The following NCKAP5 variants were observed in gnomAD, a reference collection of about 807,000 sequenced individuals.
NCKAP5 encodes the protein NCK associated protein 5, also known as nck-associated protein 5.
Under a neutral mutation model 167.0 loss-of-function variants are expected in NCKAP5, and 92 were observed. The observed-to-expected ratio is 0.55, with a 90% CI of 0.47 to 0.66. The LOEUF (loss-of-function observed/expected upper bound fraction) is 0.66, where lower values mean the gene tolerates loss of function less well. Among genes scored for constraint, NCKAP5 ranks in the 30% least tolerant of loss-of-function variants. The probability of loss-of-function intolerance (pLI) is 0.00; values close to 1 mark genes in which losing one functional copy is unlikely to be tolerated. For missense variants in NCKAP5, 2,378 were observed against 2,315.0 expected (o/e 1.03, Z -0.56); for synonymous variants, 891 against 877.4 (o/e 1.02, Z -0.27).
At chr2:133,629,375 A>C in the NCKAP5 span, among the ~76,000 whole-genome samples, 1 of 152,342 alleles carries the variant, frequency 6.6e-6, no homozygotes, top group East Asian at 1.9e-4. Context: ...AAAAACATGA[A>C]AAAAAGCTCA....
At chr2:133,563,297 G>A (rs1406106673) in intron 1 of NCKAP5, among the ~76,000 whole-genome samples, 4 of 152,148 alleles carry the variant, frequency 2.6e-5, no homozygotes, top group Admixed American at 6.5e-5. Flanking sequence ...CTGGCCGGGC[G>A]CAGTGGCTCA....
intron 3 of NCKAP5, among the ~76,000 whole-genome samples, chr2:133,461,085 G>A (rs1574993601): frequency 6.6e-6 from 1 of 152,064 alleles, no homozygotes; most frequent in Admixed American, 6.6e-5. Context: ...AAAGCGCTAC[G>A]TTTTACTGCA....
At chr2:132,844,943 A>G (rs1245998692) in intron 11 of NCKAP5, among the ~76,000 whole-genome samples, 3 of 152,174 alleles carry the variant, frequency 2.0e-5, no homozygotes, top group African/African-American at 4.8e-5. Flanking sequence ...ACCTTTGAGT[A>G]GAGGGTACTT....
At chr2:132,820,229 G>T (rs1686604796) in intron 11 of NCKAP5, among the ~76,000 whole-genome samples, 1 of 145,402 alleles carries the variant, frequency 6.9e-6, no homozygotes, top group South Asian at 2.3e-4. Flanking sequence ...GTTTTGTTTT[G>T]TTTTTGTTTT....
At chr2:132,685,329 C>T (rs1175141421) in intron 19 of NCKAP5, among the ~76,000 whole-genome samples, 2 of 152,172 alleles carry the variant, frequency 1.3e-5, no homozygotes, top group African/African-American at 4.8e-5. Context: ...ATATGTTCAT[C>T]CCAGGATGGG....
At chr2:132,931,449 C>T (rs994844593) in intron 8 of NCKAP5, 1 of 152,112 alleles carries the variant, frequency 6.6e-6, no homozygotes, top group African/African-American at 2.4e-5. Flanking sequence ...GGGGGCTGCC[C>T]GATTCGTGAA....
chr2:133,251,192 T>A (rs533304857), intron 4 of NCKAP5, among the ~76,000 whole-genome samples: 4 of 152,168 alleles, frequency 2.6e-5, no homozygotes, highest in Non-Finnish European at 5.9e-5. Flanking sequence ...CAGAGATAAC[T>A]TAAAGTGTAC....
At chr2:133,451,903 T>C (rs1394125751) in intron 3 of NCKAP5, among the ~76,000 whole-genome samples, 1 of 152,158 alleles carries the variant, frequency 6.6e-6, no homozygotes, top group Non-Finnish European at 1.5e-5. Flanking sequence ...AAAATAATTG[T>C]GTGTTGTCTT....
chr2:133,467,475 T>C lies in NCKAP5; in HGVS notation c.69+49983A>G, dbSNP rs918458732. Among the ~76,000 whole-genome samples, 137 of 152,048 alleles carry C rather than the reference T, an allele frequency of 9.0e-4. 1 individual carries two copies. The highest frequency in any genetic ancestry group is 3.0e-3 in the African/African-American group (124 of 41,466). On this transcript the variant is annotated intron_variant, in intron 3 of 19. Transcript: ENST00000409261. ...GGGATATTGGTCTAAAATTCTCTTT[T>C]TTTGTTGTGTCTCTGCCTGGCTTTG...
chr2:133,607,258 G>T, the NCKAP5 span, among the ~76,000 whole-genome samples: 2 of 150,992 alleles, frequency 1.3e-5, no homozygotes, highest in Admixed American at 1.3e-4. Context: ...GTAATTAAAA[G>T]ATTTACACCA....
chr2:133,536,048 G>C (rs1685740776), intron 2 of NCKAP5, among the ~76,000 whole-genome samples: 1 of 152,116 alleles, frequency 6.6e-6, no homozygotes, highest in Non-Finnish European at 1.5e-5. Context: ...TCCTTTGTCA[G>C]ATGCATAGCT....
chr2:133,143,102 T>G (rs990650303), intron 5 of NCKAP5, among the ~76,000 whole-genome samples: 1 of 152,098 alleles, frequency 6.6e-6, no homozygotes, highest in Non-Finnish European at 1.5e-5. Flanking sequence ...GTGTTTTTTT[T>G]TTAACCAGGC....
chr2:132,721,027 A>AAAG (rs397767487), intron 19 of NCKAP5, among the ~76,000 whole-genome samples: 8 of 149,510 alleles, frequency 5.4e-5, no homozygotes, highest in Admixed American at 1.3e-4. Flanking sequence ...AAAAAAAAAA[A>AAAG]TGCTGTGCAC....
chr2:133,283,863 G>A (rs1211989430), intron 4 of NCKAP5, among the ~76,000 whole-genome samples: 3 of 151,938 alleles, frequency 2.0e-5, no homozygotes, highest in Non-Finnish European at 4.4e-5. Flanking sequence ...CGCCCGCCTC[G>A]GCCTCCCAAA....
intron 5 of NCKAP5, among the ~76,000 whole-genome samples, chr2:133,171,434 A>C (rs1222641986): frequency 6.6e-6 from 1 of 152,136 alleles, no homozygotes; most frequent in Non-Finnish European, 1.5e-5. Flanking sequence ...ATGCATCCTC[A>C]TGCCATTGGC....
chr2:132,765,526 G>T (rs796201566), intron 16 of NCKAP5, among the ~76,000 whole-genome samples: 1 of 151,704 alleles, frequency 6.6e-6, no homozygotes, highest in African/African-American at 2.4e-5. Context: ...TGTTGGCCAG[G>T]ATGGTCTCCA....
At chr2:133,548,222 A>T (rs1206376766) in intron 2 of NCKAP5, among the ~76,000 whole-genome samples, 1 of 152,096 alleles carries the variant, frequency 6.6e-6, no homozygotes, top group Non-Finnish European at 1.5e-5. Context: ...GAAATATGGG[A>T]CTATGTGAAA....
At chr2:132,957,648 A>G (rs74910072) in intron 8 of NCKAP5, among the ~76,000 whole-genome samples, 3,369 of 152,284 alleles carry the variant, frequency 0.022, 122 homozygotes, top group East Asian at 0.093. Context: ...CTCTTCCCCA[A>G]GGCAGGTCAA....
intron 3 of NCKAP5, among the ~76,000 whole-genome samples, chr2:133,402,277 TAGGA>T (rs1688153435): frequency 6.6e-6 from 1 of 151,956 alleles, no homozygotes; most frequent in Non-Finnish European, 1.5e-5. Flanking sequence ...AACCCTAAAA[TAGGA>T]CCCTGAGGCC....
Sources: allele counts gnomAD v4.1 joint callset (sites outside exome capture counted in the v4.1 genomes callset), GRCh38; gene constraint gnomAD v4.1.1; transcripts MANE v1.5; gene names NCBI Gene and HGNC (gene_info 2026-07-23, HGNC 2026-07-21).